The following POU6F2 variants were observed in gnomAD, a reference collection of about 807,000 sequenced individuals.
The protein encoded by POU6F2 is POU class 6 homeobox 2, also known as POU domain, class 6, transcription factor 2.
A neutral mutation model predicts 71.3 loss-of-function variants in POU6F2; 31 were observed. The observed-to-expected ratio is 0.43, with a 90% confidence interval of 0.33 to 0.59. The LOEUF (loss-of-function observed/expected upper bound fraction) is 0.59, where lower values mean the gene tolerates loss of function less well. Ranked by LOEUF, POU6F2 falls within the 20% of genes least tolerant of loss-of-function variation. POU6F2 has a pLI of 0.04. For synonymous variants in POU6F2, 347 were observed against 355.7 expected (o/e 0.98, Z 0.27); for missense variants, 783 against 856.8 (o/e 0.91, Z 1.07).
At chr7:38,986,042 A>G (rs953066635) in intron 1 of POU6F2, among the ~76,000 whole-genome samples, 2 of 152,140 alleles carry the variant, frequency 1.3e-5, no homozygotes, top group East Asian at 3.8e-4. Context: ...AATCTAATTC[A>G]TTAACACACA....
At chr7:39,382,521 G>C (rs1458055011) in intron 5 of POU6F2, among the ~76,000 whole-genome samples, 2 of 152,334 alleles carry the variant, frequency 1.3e-5, no homozygotes, top group South Asian at 4.1e-4. Flanking sequence ...GAGACAGAGT[G>C]CTGGACCCAG....
chr7:39,089,369 A>G (rs1463467747), intron 2 of POU6F2, among the ~76,000 whole-genome samples: 1 of 152,134 alleles, frequency 6.6e-6, no homozygotes, highest in Non-Finnish European at 1.5e-5. Flanking sequence ...ACAGGCTTGC[A>G]TGTGGTTGGG....
intron 1 of POU6F2, among the ~76,000 whole-genome samples, chr7:39,017,077 G>A (rs556795288): frequency 5.3e-5 from 8 of 152,228 alleles, no homozygotes; most frequent in Middle Eastern, 3.4e-3. Flanking sequence ...TTATCATGTT[G>A]TTTTTTCTCC....
chr7:39,236,447 A>G (rs1295979332), intron 4 of POU6F2, among the ~76,000 whole-genome samples: 1 of 152,126 alleles, frequency 6.6e-6, no homozygotes, highest in Non-Finnish European at 1.5e-5. Context: ...GGTTTGAAAT[A>G]GTTAAAGCAT....
At chr7:39,220,871 C>A (rs142594396) in intron 4 of POU6F2, among the ~76,000 whole-genome samples, 5 of 151,884 alleles carry the variant, frequency 3.3e-5, no homozygotes, top group African/African-American at 7.3e-5. Flanking sequence ...ATATGGTAGC[C>A]ATGAGCCACA....
intron 5 of POU6F2, among the ~76,000 whole-genome samples, chr7:39,403,205 G>A (rs1284218075): frequency 6.6e-6 from 1 of 152,162 alleles, no homozygotes; most frequent in East Asian, 1.9e-4. Context: ...AAATTATTCT[G>A]TTGTTGTATT....
At chr7:39,200,174 A>G (rs189965218) in intron 2 of POU6F2, among the ~76,000 whole-genome samples, 21 of 152,332 alleles carry the variant, frequency 1.4e-4, no homozygotes, top group Admixed American at 6.5e-4. Context: ...CGGATTGCAT[A>G]TGGCAGTCTT....
chr7:39,327,474 A>G (rs953156308), intron 4 of POU6F2, among the ~76,000 whole-genome samples: 1 of 152,112 alleles, frequency 6.6e-6, no homozygotes, highest in Non-Finnish European at 1.5e-5. Context: ...GGGGTAAAGA[A>G]GAATATCAAT....
chr7:39,197,228 AG>A (rs1451027209), intron 2 of POU6F2, among the ~76,000 whole-genome samples: 2 of 152,136 alleles, frequency 1.3e-5, no homozygotes, highest in Non-Finnish European at 2.9e-5. Flanking sequence ...TGCCCTTCTC[AG>A]GGGGCTTGGG....
chr7:39,123,132 G>A (rs937767891), intron 2 of POU6F2, among the ~76,000 whole-genome samples: 7 of 152,184 alleles, frequency 4.6e-5, no homozygotes, highest in Admixed American at 1.3e-4. Context: ...GCTGATGTGT[G>A]CAAATCAGCT....
Position 39,268,503 on chromosome 7 carries a change from AAGCAGAAGT to A in POU6F2, c.598+60884_598+60892del, listed in dbSNP as rs1784288948. On this transcript the variant is annotated intron_variant, in intron 4 of 9. Coordinates refer to ENST00000518318, the MANE Select transcript of POU6F2 (RefSeq NM_001370959.1). The stretch of plus-strand genomic sequence containing the variant: ...AGATAGAACTGCTGTTAAGTTGCTC[AAGCAGAAGT>A]GTCTATAGGGCACTCCAAATGGCAG... 2.0e-5 allele frequency among the ~76,000 whole-genome samples: 3 copies of A among 152,134 alleles called. No individual in the cohort carries two copies. In the South Asian group the frequency reaches 6.2e-4, roughly 32 times the overall value.
intron 2 of POU6F2, among the ~76,000 whole-genome samples, chr7:39,179,101 T>C (rs1486485537): frequency 6.6e-6 from 1 of 152,068 alleles, no homozygotes; most frequent in Non-Finnish European, 1.5e-5. Flanking sequence ...AACATGATTG[T>C]ATTCCACCTT....
intron 8 of POU6F2, among the ~76,000 whole-genome samples, chr7:39,452,494 T>C (rs942162695): frequency 2.0e-5 from 3 of 152,156 alleles, no homozygotes; most frequent in African/African-American, 7.2e-5. Flanking sequence ...GGACCAAAAA[T>C]CCAGTAGCTA....
chr7:39,412,756 G>A (rs1258666209), intron 6 of POU6F2, among the ~76,000 whole-genome samples: 3 of 56,244 alleles, frequency 5.3e-5, no homozygotes, highest in South Asian at 1.2e-3. Context: ...AATTTTTTCC[G>A]TATTAGCTTC....
At chr7:39,129,278 G>C (rs1448028795) in intron 2 of POU6F2, among the ~76,000 whole-genome samples, 1 of 152,142 alleles carries the variant, frequency 6.6e-6, no homozygotes, top group Non-Finnish European at 1.5e-5. Flanking sequence ...CATAAGAATA[G>C]AAATTCTGCC....
intron 5 of POU6F2, among the ~76,000 whole-genome samples, chr7:39,344,598 CCAAT>C (rs2115641646): frequency 6.6e-6 from 1 of 152,124 alleles, no homozygotes; most frequent in African/African-American, 2.4e-5. Context: ...CAAATGGTCT[CCAAT>C]CATGGGTCTG....
At chr7:39,027,074 T>C (rs1294300652) in intron 1 of POU6F2, among the ~76,000 whole-genome samples, 2 of 152,154 alleles carry the variant, frequency 1.3e-5, no homozygotes, top group Non-Finnish European at 2.9e-5. Context: ...TAGGTTTTGC[T>C]TAGGATTAGT....
intron 4 of POU6F2, among the ~76,000 whole-genome samples, chr7:39,219,108 T>C (rs1439075627): frequency 6.6e-6 from 1 of 152,186 alleles, no homozygotes; most frequent in Non-Finnish European, 1.5e-5. Context: ...AGATACCTCT[T>C]GCGTTTGAAT....
chr7:39,093,858 A>G (rs374585356), intron 2 of POU6F2, among the ~76,000 whole-genome samples: 3 of 152,208 alleles, frequency 2.0e-5, no homozygotes, highest in South Asian at 2.1e-4. Flanking sequence ...CTATCTGTAT[A>G]AAATATTTGT....
Sources: gnomAD v4.1 joint callset for allele counts (sites outside exome capture counted in the v4.1 genomes callset) on GRCh38, gnomAD v4.1.1 for gene constraint, MANE v1.5 for transcripts, NCBI Gene and HGNC (gene_info 2026-07-23, HGNC 2026-07-21) for gene names.